Variants in TAFA4 observed in about 807,000 individuals in gnomAD.
TAFA4 encodes the protein chemokine-like protein TAFA-4.
TAFA4 carries 20 observed loss-of-function variants against 21.1 expected under a neutral mutation model. The observed-to-expected ratio is 0.95, with a 90% CI of 0.67 to 1.38. The LOEUF (loss-of-function observed/expected upper bound fraction) is 1.38, where lower values mean the gene tolerates loss of function less well. Ranked by LOEUF, TAFA4 falls within the 40% of genes most tolerant of loss-of-function variation. The pLI is 0.00. For missense variants in TAFA4, 211 were observed against 180.9 expected (o/e 1.17, Z -0.95); for synonymous variants, 71 against 67.4 (o/e 1.05, Z -0.26).
chr3:68,876,245 C>T (rs1012942272), intron 3 of TAFA4, among the ~76,000 whole-genome samples: 3 of 152,050 alleles, frequency 2.0e-5, no homozygotes, highest in Non-Finnish European at 1.5e-5. Flanking sequence ...CTTTTTTCAG[C>T]GCAGCTTTAT....
intron 4 of TAFA4, among the ~76,000 whole-genome samples, chr3:68,750,771 T>C (rs1702544483): frequency 6.6e-6 from 1 of 152,200 alleles, no homozygotes; most frequent in Admixed American, 6.5e-5. Flanking sequence ...TTAGACAATA[T>C]AAAAAGAGTT....
chr3:68,791,472 T>C (rs993896360), intron 3 of TAFA4, among the ~76,000 whole-genome samples: 3 of 152,194 alleles, frequency 2.0e-5, no homozygotes, highest in Non-Finnish European at 4.4e-5. Flanking sequence ...GCCAACACCC[T>C]GATTTTAGAC....
At chr3:68,872,891 A>G (rs1046829411) in intron 3 of TAFA4, among the ~76,000 whole-genome samples, 1 of 152,156 alleles carries the variant, frequency 6.6e-6, no homozygotes, top group Non-Finnish European at 1.5e-5. Flanking sequence ...GAGAAGGCAC[A>G]AGCATTTTGA....
At chr3:68,760,431 A>C (rs1702739155) in intron 3 of TAFA4, among the ~76,000 whole-genome samples, 1 of 152,178 alleles carries the variant, frequency 6.6e-6, no homozygotes, top group South Asian at 2.1e-4. Context: ...GAGACACAGA[A>C]AGCATCAGAT....
rs35338153 is a variant in TAFA4 at position 68,752,941 on chromosome 3, G to A, written c.208C>T (p.Arg70Trp). Residue 70 changes from arginine to tryptophan, a missense_variant, in exon 4 of 6, where the codon CGG (arginine) becomes TGG (tryptophan). Arg to Trp is a moderately radical substitution (Grantham distance 101). Transcript: ENST00000295569. Reference sequence around the variant, plus strand: ...CAAGAGCACTTGACCGTTTGTGACCGCTCTTCTATGCGGTTCTTATTGCAG... The same window carrying A: ...CAAGAGCACTTGACCGTTTGTGACCACTCTTCTATGCGGTTCTTATTGCAG... ...RCCNKNRIEE[R>W]SQTVKCSCFP... 272 of 1,613,906 alleles carry A rather than the reference G, an allele frequency of 1.7e-4. No individual in the cohort carries two copies. The highest frequency in any genetic ancestry group is 8.5e-4 in the Admixed American group (51 of 59,990).
chr3:68,901,652 T>C (rs2089844833), intron 1 of TAFA4, among the ~76,000 whole-genome samples: 1 of 152,220 alleles, frequency 6.6e-6, no homozygotes, highest in Admixed American at 6.5e-5. Context: ...TATTGGACAG[T>C]ACCGTTCTAG....
chr3:68,753,507 T>C (rs1455390376), intron 3 of TAFA4, among the ~76,000 whole-genome samples: 1 of 152,104 alleles, frequency 6.6e-6, no homozygotes, highest in Non-Finnish European at 1.5e-5. Context: ...AGGTAATTTT[T>C]ATATTTTTAG....
At chr3:68,755,004 T>C (rs147810010) in intron 3 of TAFA4, among the ~76,000 whole-genome samples, 15 of 152,280 alleles carry the variant, frequency 9.9e-5, no homozygotes, top group Admixed American at 2.6e-4. Context: ...GCATCCGACT[T>C]AGAAACCCGA....
intron 3 of TAFA4, among the ~76,000 whole-genome samples, chr3:68,768,995 C>T (rs955451545): frequency 6.6e-5 from 10 of 152,112 alleles, no homozygotes; most frequent in Admixed American, 1.3e-4. Flanking sequence ...CAGTTAGAGA[C>T]GAGGAATAAA....
At chr3:68,898,340 C>A (rs542853537) in intron 1 of TAFA4, among the ~76,000 whole-genome samples, 6 of 152,282 alleles carry the variant, frequency 3.9e-5, no homozygotes, top group African/African-American at 1.4e-4. Context: ...ATCAAATAAT[C>A]TGTTATAATG....
Position 68,900,874 on chromosome 3 carries a change from A to G in TAFA4, c.-122-15564T>C, listed in dbSNP as rs182741914. 2.0e-4 allele frequency among the ~76,000 whole-genome samples: 30 copies of G among 152,208 alleles called. No homozygotes were observed. The East Asian group carries it at 5.4e-3, about 27-fold the overall frequency. On this transcript the variant is annotated intron_variant, in intron 1 of 5. Coordinates refer to ENST00000295569, the MANE Select transcript of TAFA4 (RefSeq NM_182522.5). Reference sequence around the variant, plus strand: ...ACCAAAGATACTTTCCTAGACATTGACCCAATTCACAACTACTGCTTTCAC... The same window carrying G: ...ACCAAAGATACTTTCCTAGACATTGGCCCAATTCACAACTACTGCTTTCAC...
chr3:68,884,554 A>C (rs1575657442), intron 2 of TAFA4, among the ~76,000 whole-genome samples: 1 of 152,196 alleles, frequency 6.6e-6, no homozygotes, highest in Non-Finnish European at 1.5e-5. Flanking sequence ...CTCCCATCAT[A>C]TGTATAACCA....
intron 3 of TAFA4, among the ~76,000 whole-genome samples, chr3:68,869,658 A>G (rs1275551797): frequency 1.3e-5 from 2 of 152,084 alleles, no homozygotes; most frequent in Admixed American, 6.6e-5. Context: ...ACACAATTCA[A>G]CATTCTTTTA....
At chr3:68,825,161 A>T (rs113512486) in intron 3 of TAFA4, among the ~76,000 whole-genome samples, 19,452 of 151,938 alleles carry the variant, frequency 0.13, 1,678 homozygotes, top group African/African-American at 0.25. Flanking sequence ...GCATGTGATG[A>T]TCACCTCCCT....
chr3:68,836,699 C>T (rs997754275), intron 3 of TAFA4, among the ~76,000 whole-genome samples: 1 of 152,014 alleles, frequency 6.6e-6, no homozygotes, highest in African/African-American at 2.4e-5. Flanking sequence ...AGTCTTTCAA[C>T]AGAAAATTTA....
chr3:68,784,532 TC>T (rs1703213767), intron 3 of TAFA4, among the ~76,000 whole-genome samples: 1 of 151,824 alleles, frequency 6.6e-6, no homozygotes, highest in African/African-American at 2.4e-5. Flanking sequence ...AGTTCTTCGT[TC>T]CTCCCAGTGG....
intron 3 of TAFA4, among the ~76,000 whole-genome samples, chr3:68,796,416 T>C (rs1252503750): frequency 3.3e-5 from 5 of 152,146 alleles, no homozygotes; most frequent in African/African-American, 1.2e-4. Flanking sequence ...AGTGCAACTA[T>C]AAATATACTG....
intron 1 of TAFA4, among the ~76,000 whole-genome samples, chr3:68,916,791 G>C (rs1340005265): frequency 6.6e-6 from 1 of 152,074 alleles, no homozygotes; most frequent in African/African-American, 2.4e-5. Flanking sequence ...GCCCAAAATA[G>C]CTGTTGGAGA....
intron 3 of TAFA4, among the ~76,000 whole-genome samples, chr3:68,783,564 A>C (rs1703187093): frequency 1.3e-5 from 2 of 152,102 alleles, no homozygotes. Flanking sequence ...TGATCCAAAA[A>C]ATGATGGCTC....
Sources: allele counts gnomAD v4.1 joint callset (sites outside exome capture counted in the v4.1 genomes callset), GRCh38; gene constraint gnomAD v4.1.1; transcripts MANE v1.5; gene names NCBI Gene and HGNC (gene_info 2026-07-23, HGNC 2026-07-21).